The following HSF5 variants were observed in gnomAD, a reference collection of about 807,000 sequenced individuals.
HSF5 encodes heat shock factor protein 5.
HSF5 carries 5 observed loss-of-function variants against 50.8 expected under a neutral mutation model. The observed-to-expected ratio is 0.10, with a 90% CI of 0.05 to 0.21. The LOEUF (loss-of-function observed/expected upper bound fraction) is 0.21. Among genes scored for constraint, HSF5 ranks in the 10% least tolerant of loss-of-function variants. The pLI is 1.00. For missense variants in HSF5, 564 were observed against 762.6 expected (o/e 0.74, Z 3.07); for synonymous variants, 307 against 307.4 (o/e 1.00, Z 0.02).
intron 2 of HSF5, among the ~76,000 whole-genome samples, chr17:58,475,792 T>C (rs1315226731): frequency 1.3e-5 from 2 of 152,230 alleles, no homozygotes; most frequent in Admixed American, 1.3e-4. Flanking sequence ...GGGCCTCACA[T>C]CCTCCAGCTT....
chr17:58,466,750 T>C (rs965675743), intron 3 of HSF5, 135 bp downstream of exon 3: 1 of 638,928 alleles, frequency 1.6e-6, no homozygotes, highest in South Asian at 1.7e-5. Context: ...TTTTTAAGAA[T>C]TGAGAAAACA....
chr17:58,423,534 C>A (rs1974252989), intron 5 of HSF5, among the ~76,000 whole-genome samples: 2 of 145,324 alleles, frequency 1.4e-5, no homozygotes, highest in African/African-American at 5.1e-5. Flanking sequence ...GTCACCCGCG[C>A]TGGAGTGCAA....
intron 4 of HSF5, among the ~76,000 whole-genome samples, chr17:58,460,680 T>A (rs934903704): frequency 6.6e-6 from 1 of 150,378 alleles, no homozygotes; most frequent in Non-Finnish European, 1.5e-5. Flanking sequence ...CGGCTAATTT[T>A]TTGTATTTTT....
At chr17:58,438,482 G>C (rs1299678268) in intron 5 of HSF5, among the ~76,000 whole-genome samples, 1 of 152,118 alleles carries the variant, frequency 6.6e-6, no homozygotes, top group African/African-American at 2.4e-5. Context: ...GCAGCACATG[G>C]TTAGGACACA....
chr17:58,429,648 A>G (rs1399317260), intron 5 of HSF5, among the ~76,000 whole-genome samples: 1 of 152,098 alleles, frequency 6.6e-6, no homozygotes, highest in South Asian at 2.1e-4. Context: ...GGAGTTTGAG[A>G]CCAGCCTGGC....
At chr17:58,486,278 T>A (rs1247202632) in intron 1 of HSF5, among the ~76,000 whole-genome samples, 1 of 152,094 alleles carries the variant, frequency 6.6e-6, no homozygotes, top group African/African-American at 2.4e-5. Flanking sequence ...GGAATGAGAA[T>A]TGCTTGAACC....
intron 5 of HSF5, among the ~76,000 whole-genome samples, chr17:58,441,799 G>A (rs1974501604): frequency 6.6e-6 from 1 of 152,210 alleles, no homozygotes; most frequent in Non-Finnish European, 1.5e-5. Flanking sequence ...TGTCAAGGCA[G>A]AAAATCTTTG....
At chr17:58,486,703 C>T (rs1283862545) in intron 1 of HSF5, among the ~76,000 whole-genome samples, 2 of 152,068 alleles carry the variant, frequency 1.3e-5, no homozygotes, top group African/African-American at 4.8e-5. Flanking sequence ...TGTATTTTTG[C>T]TCTTAAGGTA....
Position 58,465,239 on chromosome 17 carries a change from C to T in HSF5, c.1020+1646G>A, listed in dbSNP as rs138161494. On this transcript the variant is annotated intron_variant, in intron 3 of 5. Coordinates refer to ENST00000323777, the MANE Select transcript of HSF5 (RefSeq NM_001080439.3). ...CACTCACTATGTTACCCAGGCTCAT[C>T]TCAATTTCCTGGCCTCAAACAATCC... Among the ~76,000 whole-genome samples, 90 of 139,030 alleles carry T rather than the reference C, an allele frequency of 6.5e-4. 2 individuals are homozygous for T. The Middle Eastern group carries it at 0.019, about 30-fold the overall frequency. The allele number at this position is 139,030 out of a possible 152,430, so 91.2% of individuals were successfully genotyped here. A position where few individuals can be genotyped will look rare whatever the true frequency, so the allele number is the denominator to read the frequency against.
intron 5 of HSF5, among the ~76,000 whole-genome samples, chr17:58,433,031 T>C (rs983539907): frequency 1.4e-5 from 2 of 145,706 alleles, no homozygotes; most frequent in African/African-American, 5.1e-5. Flanking sequence ...TTCATTCATC[T>C]GAGACAAGGT....
At chr17:58,471,313 T>G (rs1974940448) in intron 2 of HSF5, among the ~76,000 whole-genome samples, 3 of 152,190 alleles carry the variant, frequency 2.0e-5, no homozygotes. Flanking sequence ...TGGTGCTAAG[T>G]GCCTCTTTTC....
chr17:58,447,124 CA>C (rs200847617), intron 5 of HSF5, among the ~76,000 whole-genome samples: 2 of 150,550 alleles, frequency 1.3e-5, no homozygotes, highest in East Asian at 1.9e-4. Context: ...GACTCCATCT[CA>C]AAAAAAAAGA....
chr17:58,480,375 C>T, intron 1 of HSF5, 108 bp from the exon 2 acceptor site: 1 of 1,073,332 alleles, frequency 9.3e-7, no homozygotes, highest in Non-Finnish European at 1.3e-6. Flanking sequence ...CCATTTTTAA[C>T]ACAACAGAAG....
intron 4 of HSF5, among the ~76,000 whole-genome samples, chr17:58,462,264 G>C (rs1453906245): frequency 6.6e-6 from 1 of 152,154 alleles, no homozygotes; most frequent in Non-Finnish European, 1.5e-5. Context: ...TGCTTTAGGA[G>C]TGCAGATATT....
chr17:58,472,898 A>G (rs2095816629), intron 2 of HSF5, among the ~76,000 whole-genome samples: 1 of 152,194 alleles, frequency 6.6e-6, no homozygotes, highest in South Asian at 2.1e-4. Context: ...TGCCACCAGC[A>G]GCATAAAAAG....
chr17:58,431,634 T>A (rs1265749583), intron 5 of HSF5, among the ~76,000 whole-genome samples: 2 of 152,210 alleles, frequency 1.3e-5, no homozygotes, highest in Non-Finnish European at 2.9e-5. Context: ...GTTTTCAGTA[T>A]CAGAGCATGG....
At position 58,463,319 on chromosome 17, in the gene HSF5, A is replaced by G. The variant is rs751274124; in HGVS notation, c.1021-16T>C. ...TTGAAGGATTCTGGGAAAAGAAAAA[A>G]TATAACTGTTTGGATAGAAAATAAA... On this transcript the variant is annotated splice_polypyrimidine_tract_variant and intron_variant, in intron 3 of 5. Transcript: ENST00000323777. 4 of 1,595,256 alleles carry G rather than the reference A, an allele frequency of 2.5e-6. No individual in the cohort carries two copies. Among genetic ancestry groups the G allele is most frequent in the Non-Finnish European group, 3.4e-6 (4 of 1,168,300 alleles).
intron 3 of HSF5, among the ~76,000 whole-genome samples, chr17:58,464,927 C>T (rs150295651): frequency 1.1e-4 from 16 of 151,608 alleles, no homozygotes; most frequent in Non-Finnish European, 2.1e-4. Context: ...TGAGCCACCA[C>T]GCCTGGCAGA....
intron 1 of HSF5, among the ~76,000 whole-genome samples, chr17:58,481,842 A>G (rs950381206): frequency 5.3e-5 from 8 of 152,182 alleles, no homozygotes; most frequent in Non-Finnish European, 1.2e-4. Context: ...TCTACAAAAT[A>G]TACAAAAATC....
Sources: gnomAD v4.1 joint callset for allele counts (sites outside exome capture counted in the v4.1 genomes callset) on GRCh38, gnomAD v4.1.1 for gene constraint, MANE v1.5 for transcripts, NCBI Gene and HGNC (gene_info 2026-07-23, HGNC 2026-07-21) for gene names.